Variants in CIB1 observed in about 807,000 individuals in gnomAD.
CIB1 encodes calcium and integrin-binding protein 1.
CIB1 carries 19 observed loss-of-function variants against 25.0 expected under a neutral mutation model. The ratio of observed to expected loss-of-function variants is 0.76; its 90% CI spans 0.53 to 1.12. CIB1 has a LOEUF of 1.12. Ranked by LOEUF, CIB1 falls within the 50% of genes most tolerant of loss-of-function variation. The pLI, the probability that CIB1 is intolerant of heterozygous loss-of-function variation, is 0.00. For missense variants in CIB1, 236 were observed against 242.6 expected (o/e 0.97, Z 0.18); for synonymous variants, 104 against 98.5 (o/e 1.06, Z -0.33).
At chr15:90,254,673 C>CCAAAAA in the CIB1 span, among the ~76,000 whole-genome samples, 1 of 151,766 alleles carries the variant, frequency 6.6e-6, no homozygotes, top group Non-Finnish European at 1.5e-5. Flanking sequence ...CCCATCTCTA[C>CCAAAAA]CAAAAATACA....
chr15:90,262,281 C>T, the CIB1 span: 1 of 1,335,526 alleles, frequency 7.5e-7, no homozygotes. Context: ...GGAAGCCAGA[C>T]ACCAGCAAAG....
the CIB1 span, among the ~76,000 whole-genome samples, chr15:90,255,319 G>A: frequency 6.6e-6 from 1 of 152,226 alleles, no homozygotes; most frequent in Non-Finnish European, 1.5e-5. Context: ...CTCAGTGGGT[G>A]CCATGGCATC....
intron 2 of CIB1, 156 bp from the exon 3 acceptor site, chr15:90,232,483 A>C: frequency 7.9e-7 from 1 of 1,264,634 alleles, no homozygotes. Context: ...GCAAAAGGAC[A>C]TGTCACAAGG....
At chr15:90,256,545 T>TTTTCTTTCTTTCTTTCTTTCTTTCTTTC in the CIB1 span, among the ~76,000 whole-genome samples, 3 of 105,392 alleles carry the variant, frequency 2.8e-5, no homozygotes, top group Admixed American at 1.1e-4. Flanking sequence ...TCTCCTTCCT[T>TTTTCTTTCTTTCTTTCTTTCTTTCTTTC]TTTCTTTCTT....
chr15:90,251,478 T>A, the CIB1 span: 1 of 1,399,974 alleles, frequency 7.1e-7, no homozygotes, highest in South Asian at 1.2e-5. Context: ...TGTTGTGAAT[T>A]TGTTGGATGT....
the CIB1 span, chr15:90,257,249 A>G: frequency 1.2e-6 from 2 of 1,613,948 alleles, no homozygotes; most frequent in South Asian, 1.1e-5. Context: ...TTTTGCCACC[A>G]CGCCCTATAT....
chr15:90,246,559 C>T, the CIB1 span, among the ~76,000 whole-genome samples: 3 of 151,808 alleles, frequency 2.0e-5, no homozygotes, highest in African/African-American at 7.3e-5. Context: ...GAGACCCAAG[C>T]AGGTGGATCA....
the CIB1 span, chr15:90,241,110 A>G: frequency 5.2e-3 from 8,390 of 1,614,010 alleles, 284 homozygotes; most frequent in African/African-American, 0.082. Flanking sequence ...CTCTGCCTGG[A>G]AGCAGCGGGT....
At chr15:90,256,896 C>T in the CIB1 span, among the ~76,000 whole-genome samples, 1 of 151,960 alleles carries the variant, frequency 6.6e-6, no homozygotes, top group Non-Finnish European at 1.5e-5. Context: ...CCATCTTGGC[C>T]AGGCTGGTCT....
intron 2 of CIB1, 61 bp downstream of exon 2, chr15:90,233,608 G>A: frequency 6.5e-7 from 1 of 1,537,142 alleles, no homozygotes; most frequent in Non-Finnish European, 8.8e-7. Context: ...TCGGGACAGC[G>A]CCCCCGAAGC....
the CIB1 span, among the ~76,000 whole-genome samples, chr15:90,254,858 A>G: frequency 2.1e-5 from 3 of 143,100 alleles, no homozygotes; most frequent in East Asian, 1.9e-4. Context: ...GGAAGGGGGA[A>G]AAAAAAAGGA....
At position 90,233,921 on chromosome 15, in the gene CIB1, C is replaced by T. The variant is rs750619780; in HGVS notation, c.-36G>A. ...CGCGCACAGCTCCGCCAACTCGCCT[C>T]GAGACGCAGACAACTTTCTCACTTC... On this transcript the variant is annotated 5_prime_UTR_variant, in exon 1 of 7. Transcript: ENST00000328649. 1 of 1,448,174 alleles carries T rather than the reference C, an allele frequency of 6.9e-7. No individual in the cohort carries two copies. Among genetic ancestry groups the T allele is most frequent in the Admixed American group, 2.7e-5 (1 of 36,586 alleles). The allele number at this position is 1,448,174 out of a possible 1,614,324, so 89.7% of individuals were successfully genotyped here.
the CIB1 span, chr15:90,262,117 T>C: frequency 1.3e-6 from 2 of 1,535,946 alleles, no homozygotes; most frequent in African/African-American, 1.4e-5. Context: ...CAGAGAAGTA[T>C]GCCCGCTTCT....
the CIB1 span, among the ~76,000 whole-genome samples, chr15:90,253,908 T>C: frequency 4.8e-4 from 73 of 152,310 alleles, no homozygotes; most frequent in Middle Eastern, 0.014. Flanking sequence ...TCTGCAGGCT[T>C]ATTCTTTGGG....
At position 90,233,664 on chromosome 15, in the gene CIB1, C is replaced by G. The variant is rs1465082226; in HGVS notation, c.86+5G>C. 5 of 1,576,578 alleles carry G rather than the reference C, an allele frequency of 3.2e-6. No individual in the cohort carries two copies. Among genetic ancestry groups the G allele is most frequent in the Non-Finnish European group, 4.3e-6 (5 of 1,160,876 alleles). On this transcript the variant is annotated splice_donor_5th_base_variant and intron_variant, in intron 2 of 6. Coordinates refer to ENST00000328649, the MANE Select transcript of CIB1 (RefSeq NM_006384.4). ...GTCGGAGGCAGGGTTCAAGGCAGCACTTACAGGAGGATCTCCTGCTTCGTC... is the reference window on the plus strand; with the variant it reads ...GTCGGAGGCAGGGTTCAAGGCAGCAGTTACAGGAGGATCTCCTGCTTCGTC...
upstream of CIB1, chr15:90,234,713 C>T (rs1198381049): frequency 2.6e-5 from 4 of 152,242 alleles, no homozygotes; most frequent in African/African-American, 7.2e-5. Context: ...TAAAGGCTCT[C>T]CACTGCTGTT....
rs1023515632 is a variant in CIB1 at position 90,230,132 on chromosome 15, G to A, written c.*352C>T. 5 of 318,320 alleles carry A rather than the reference G, an allele frequency of 1.6e-5. No homozygotes were observed. In the East Asian group the frequency reaches 2.1e-4, roughly 13 times the overall value. The allele number at this position is 318,320 out of a possible 1,614,324, so 19.7% of individuals were successfully genotyped here. On this transcript the variant is annotated 3_prime_UTR_variant, in exon 7 of 7. Transcript: ENST00000328649. ...CCACGGGGACAGCCAGCGTGGGTGCGGCTTGACTTCCCGCTGGCCTCTGCT... is the reference window on the plus strand; with the variant it reads ...CCACGGGGACAGCCAGCGTGGGTGCAGCTTGACTTCCCGCTGGCCTCTGCT...
chr15:90,256,051 G>A, the CIB1 span: 7 of 1,562,242 alleles, frequency 4.5e-6, no homozygotes, highest in South Asian at 8.3e-5. Flanking sequence ...TCCAGGAAGA[G>A]CATGGACTAG....
At chr15:90,264,680 T>C in the CIB1 span, 2 of 1,528,690 alleles carry the variant, frequency 1.3e-6, no homozygotes, top group Non-Finnish European at 1.8e-6. Context: ...AAATCTCTTC[T>C]GTGAATACCA....
Sources: gnomAD v4.1 joint callset for allele counts (sites outside exome capture counted in the v4.1 genomes callset) on GRCh38, gnomAD v4.1.1 for gene constraint, MANE v1.5 for transcripts, NCBI Gene and HGNC (gene_info 2026-07-23, HGNC 2026-07-21) for gene names.